Variants in DLC1 observed in about 807,000 individuals in gnomAD.
The protein encoded by DLC1 is DLC1 Rho GTPase activating protein, also known as rho GTPase-activating protein 7.
In DLC1, 54 loss-of-function variants were observed where a neutral mutation model predicts 140.3. The observed-to-expected ratio is 0.38, with a 90% confidence interval of 0.31 to 0.48. The LOEUF (loss-of-function observed/expected upper bound fraction) is 0.48. Among genes scored for constraint, DLC1 ranks in the 20% least tolerant of loss-of-function variants. The probability of loss-of-function intolerance (pLI) is 0.96; values close to 1 mark genes in which losing one functional copy is unlikely to be tolerated. For synonymous variants in DLC1, 986 were observed against 728.1 expected (o/e 1.35, Z -5.70); for missense variants, 2,536 against 1,907.0 (o/e 1.33, Z -6.14).
At chr8:13,488,473 C>T (rs1246775238) in intron 2 of DLC1, among the ~76,000 whole-genome samples, 2 of 152,052 alleles carry the variant, frequency 1.3e-5, no homozygotes, top group Non-Finnish European at 1.5e-5. Flanking sequence ...CCTGAAATTA[C>T]GTAGCTAAAA....
intron 5 of DLC1, among the ~76,000 whole-genome samples, chr8:13,118,155 G>A (rs1487610856): frequency 1.3e-5 from 2 of 151,886 alleles, no homozygotes; most frequent in Admixed American, 6.6e-5. Context: ...GATAGAGGCA[G>A]GAGCCACTGT....
At chr8:13,579,328 TA>T (rs1407176279) in intron 1 of DLC1, among the ~76,000 whole-genome samples, 1 of 14,370 alleles carries the variant, frequency 7.0e-5, no homozygotes, top group Non-Finnish European at 1.3e-4. Flanking sequence ...TATATATATA[TA>T]TATATATATA....
chr8:13,085,128 A>G lies in DLC1; in HGVS notation c.*683T>C, dbSNP rs1236845315. On this transcript the variant is annotated 3_prime_UTR_variant, in exon 18 of 18. Coordinates refer to ENST00000276297, the MANE Select transcript of DLC1 (RefSeq NM_182643.3). Reference sequence around the variant, plus strand: ...CCAACCTATTACAATCAAAGTACAGAAGAGGTTCGTGGAAAAGGAATATGC... The same window carrying G: ...CCAACCTATTACAATCAAAGTACAGGAGAGGTTCGTGGAAAAGGAATATGC... 1 of 152,192 alleles carries G rather than the reference A, an allele frequency of 6.6e-6. No homozygotes were observed. Among genetic ancestry groups the G allele is most frequent in the Non-Finnish European group, 1.5e-5 (1 of 68,040 alleles). 9.4% of individuals were successfully genotyped at this position (152,192 alleles called of 1,614,324 possible). A position where few individuals can be genotyped will look rare whatever the true frequency, so the allele number is the denominator to read the frequency against.
intron 4 of DLC1, among the ~76,000 whole-genome samples, chr8:13,332,653 G>A (rs1224364557): frequency 6.6e-6 from 1 of 151,866 alleles, no homozygotes; most frequent in East Asian, 1.9e-4. Flanking sequence ...GGCTGATCTC[G>A]AACTCCTGAC....
At chr8:13,393,402 G>A (rs1415585541) in intron 4 of DLC1, 151 bp downstream of exon 4, 1 of 842,500 alleles carries the variant, frequency 1.2e-6, no homozygotes, top group East Asian at 2.9e-5. Context: ...CATTTTTCTA[G>A]GGTTGTACTT....
At chr8:13,096,682 C>A (rs1818522349) in intron 10 of DLC1, among the ~76,000 whole-genome samples, 1 of 151,856 alleles carries the variant, frequency 6.6e-6, no homozygotes, top group African/African-American at 2.4e-5. Context: ...ATAATAACAG[C>A]CTTTGAACGG....
At chr8:13,356,498 A>G (rs553706211) in intron 4 of DLC1, among the ~76,000 whole-genome samples, 93 of 152,352 alleles carry the variant, frequency 6.1e-4, no homozygotes, top group Admixed American at 1.0e-3. Context: ...GTCCCACCTG[A>G]AGCCTATGTA....
intron 5 of DLC1, among the ~76,000 whole-genome samples, chr8:13,172,096 T>C (rs1373381911): frequency 6.6e-6 from 1 of 152,226 alleles, no homozygotes; most frequent in Non-Finnish European, 1.5e-5. Flanking sequence ...GGCATTATTC[T>C]TACGATAACA....
intron 2 of DLC1, among the ~76,000 whole-genome samples, chr8:13,405,978 C>CTTTCA (rs1837533569): frequency 1.5e-4 from 8 of 54,452 alleles, no homozygotes; most frequent in East Asian, 7.4e-4. Context: ...TCTTTCATCT[C>CTTTCA]TCTCTCTCTC....
At chr8:13,139,870 A>T (rs1470562994) in intron 5 of DLC1, among the ~76,000 whole-genome samples, 1 of 152,274 alleles carries the variant, frequency 6.6e-6, no homozygotes, top group Non-Finnish European at 1.5e-5. Context: ...TTCCCATTGA[A>T]TTAGCTAATT....
At chr8:13,172,731 C>T (rs10091972) in intron 5 of DLC1, among the ~76,000 whole-genome samples, 1 of 152,124 alleles carries the variant, frequency 6.6e-6, no homozygotes. Flanking sequence ...AATGGAAGTT[C>T]GATTCCTCAG....
intron 1 of DLC1, among the ~76,000 whole-genome samples, chr8:13,585,016 A>G (rs375320523): frequency 6.6e-6 from 1 of 152,226 alleles, no homozygotes; most frequent in South Asian, 2.1e-4. Context: ...TTCACTCAAT[A>G]AAGATTCTTG....
At chr8:13,369,054 T>C (rs565933882) in intron 4 of DLC1, among the ~76,000 whole-genome samples, 1 of 152,186 alleles carries the variant, frequency 6.6e-6, no homozygotes, top group Non-Finnish European at 1.5e-5. Context: ...ACTCCTGACC[T>C]CAAATGATCT....
intron 2 of DLC1, among the ~76,000 whole-genome samples, chr8:13,404,151 G>C (rs1390668119): frequency 6.6e-6 from 1 of 152,174 alleles, no homozygotes; most frequent in Non-Finnish European, 1.5e-5. Context: ...TAAGATCAAA[G>C]TGGAATAGGA....
intron 1 of DLC1, among the ~76,000 whole-genome samples, chr8:13,549,361 A>G (rs1435385089): frequency 6.6e-6 from 1 of 152,184 alleles, no homozygotes; most frequent in East Asian, 1.9e-4. Context: ...AAGGAAAACT[A>G]CAAGCTGTAT....
intron 4 of DLC1, among the ~76,000 whole-genome samples, chr8:13,322,011 T>C (rs112202067): frequency 6.6e-6 from 1 of 152,170 alleles, no homozygotes; most frequent in East Asian, 1.9e-4. Flanking sequence ...CCCTAAATAA[T>C]AGAAAATTAA....
chr8:13,359,772 G>T (rs751433377), intron 4 of DLC1, among the ~76,000 whole-genome samples: 1 of 152,200 alleles, frequency 6.6e-6, no homozygotes. Context: ...ACCATACTAT[G>T]ATTTCACCAG....
intron 1 of DLC1, among the ~76,000 whole-genome samples, chr8:13,509,283 A>C (rs1001100781): frequency 6.6e-6 from 1 of 152,218 alleles, no homozygotes; most frequent in African/African-American, 2.4e-5. Context: ...GTGCTCAGAT[A>C]GCAAGTTGAC....
intron 5 of DLC1, among the ~76,000 whole-genome samples, chr8:13,273,556 G>A (rs1345989022): frequency 6.6e-6 from 1 of 152,088 alleles, no homozygotes; most frequent in East Asian, 1.9e-4. Context: ...TCTGTATATT[G>A]TTTATAAAAG....
Sources: allele counts gnomAD v4.1 joint callset (sites outside exome capture counted in the v4.1 genomes callset), GRCh38; gene constraint gnomAD v4.1.1; transcripts MANE v1.5; gene names NCBI Gene and HGNC (gene_info 2026-07-23, HGNC 2026-07-21).